ARID2: variants seen among roughly 807,000 people sequenced by gnomAD.
ARID2 encodes AT-rich interaction domain 2.
Under a neutral mutation model 184.6 loss-of-function variants are expected in ARID2, and 32 were observed. That is an observed-to-expected ratio of 0.17 (90% CI 0.13 to 0.23). The LOEUF is 0.23. ARID2 is among the 10% of genes least tolerant of loss of function. The pLI is 1.00. For missense variants in ARID2, 1,696 were observed against 2,197.6 expected (o/e 0.77, Z 4.56); for synonymous variants, 836 against 772.6 (o/e 1.08, Z -1.36).
intron 3 of ARID2, among the ~76,000 whole-genome samples, chr12:45,749,982 C>A (rs1220006594): frequency 6.6e-6 from 1 of 152,150 alleles, no homozygotes; most frequent in African/African-American, 2.4e-5. Context: ...TTGTGTGTTC[C>A]CTGGAGTAGC....
chr12:45,764,669 A>G (rs1941740323), intron 3 of ARID2, among the ~76,000 whole-genome samples: 1 of 152,228 alleles, frequency 6.6e-6, no homozygotes, highest in Non-Finnish European at 1.5e-5. Context: ...TCTGAGATTT[A>G]TACATAGTGC....
At chr12:45,768,448 G>A (rs1338085087) in intron 3 of ARID2, among the ~76,000 whole-genome samples, 2 of 152,144 alleles carry the variant, frequency 1.3e-5, no homozygotes, top group Non-Finnish European at 2.9e-5. Flanking sequence ...CCTCTAGCTG[G>A]GTTGTCATTC....
rs547284579 is a variant in ARID2, at chr12:45,853,953, G to GAGGTGAGCGGC, written c.4773+1067_4773+1077dup. On this transcript the variant is annotated intron_variant, in intron 15 of 20. Transcript: ENST00000334344. ...CTTTAGGAACTGGGCCACACAGCCG[G>GAGGTGAGCGGC]AGGTGAGCGGCAGGTGAGCGAGTGA... Among the ~76,000 whole-genome samples, 59 of 152,328 alleles carry GAGGTGAGCGGC rather than the reference G, an allele frequency of 3.9e-4. 3 individuals carry two copies. The highest frequency in any genetic ancestry group is 2.8e-3 in the Admixed American group (43 of 15,302).
intron 3 of ARID2, among the ~76,000 whole-genome samples, chr12:45,791,696 G>A (rs1942293994): frequency 6.6e-6 from 1 of 152,150 alleles, no homozygotes; most frequent in Admixed American, 6.5e-5. Context: ...CTGGGCTCAG[G>A]TGATCCTCCC....
At chr12:45,750,972 T>G (rs530771379) in intron 3 of ARID2, among the ~76,000 whole-genome samples, 123 of 152,324 alleles carry the variant, frequency 8.1e-4, no homozygotes, top group Non-Finnish European at 1.4e-3. Flanking sequence ...ATACTGCTCT[T>G]TATTCATTAA....
chr12:45,757,269 G>A (rs987959235), intron 3 of ARID2, among the ~76,000 whole-genome samples: 1 of 152,106 alleles, frequency 6.6e-6, no homozygotes, highest in East Asian at 1.9e-4. Context: ...GTTAAACATC[G>A]TTCTTTTCTG....
intron 3 of ARID2, among the ~76,000 whole-genome samples, chr12:45,787,638 T>G: frequency 6.6e-6 from 1 of 152,136 alleles, no homozygotes; most frequent in East Asian, 1.9e-4. Context: ...TATAATGCCT[T>G]TACTAATCTT....
chr12:45,860,842 C>G lies in ARID2; in HGVS notation c.4815C>G (p.Gly1605=). ...CTTCACCAGCTGTACAAGTGCAGGG[C>G]CAGCCTAACAGTTCTCAGCCTTCTC... The part of the protein sequence containing the change: ...MPPSPAVQVQ[G]QPNSSQPSPF... The change falls in exon 16 of 21, where the codon GGC becomes GGG. Residue 1605 remains glycine, a synonymous_variant. Coordinates refer to ENST00000334344, the MANE Select transcript of ARID2 (RefSeq NM_152641.4). 2 of 1,607,128 alleles carry G rather than the reference C, an allele frequency of 1.2e-6. No homozygotes were observed. Among genetic ancestry groups the G allele is most frequent in the Non-Finnish European group, 1.7e-6 (2 of 1,176,578 alleles).
intron 16 of ARID2, among the ~76,000 whole-genome samples, chr12:45,867,986 G>A (rs1943858829): frequency 6.6e-6 from 1 of 152,064 alleles, no homozygotes; most frequent in Non-Finnish European, 1.5e-5. Flanking sequence ...TTTGTATTCT[G>A]CCTCTTCATC....
chr12:45,772,591 A>T (rs1941898024), intron 3 of ARID2, among the ~76,000 whole-genome samples: 1 of 152,212 alleles, frequency 6.6e-6, no homozygotes, highest in African/African-American at 2.4e-5. Context: ...AGAAAGCTGG[A>T]GTGGCTATAT....
At chr12:45,877,186 G>A (rs1015143293) in intron 16 of ARID2, among the ~76,000 whole-genome samples, 3 of 151,910 alleles carry the variant, frequency 2.0e-5, no homozygotes, top group East Asian at 1.9e-4. Context: ...GTACTGGTCC[G>A]TGGCCTGTTA....
intron 16 of ARID2, among the ~76,000 whole-genome samples, chr12:45,876,723 G>A (rs1944015739): frequency 6.6e-6 from 1 of 151,144 alleles, no homozygotes; most frequent in African/African-American, 2.4e-5. Context: ...AAGACAGGAA[G>A]CAAGCACATG....
Position 45,829,162 on chromosome 12 carries a change from G to C in ARID2, c.706-7427G>C, listed in dbSNP as rs1486874238. On this transcript the variant is annotated intron_variant, in intron 6 of 20. Transcript: ENST00000334344. ...ACCTACAATATTTGTTTTAAAAACT[G>C]TGTTGCAGTATCACCATTGTCATAA... Among the ~76,000 whole-genome samples the C allele has an allele frequency of 3.3e-5, 5 of 151,958 alleles. No homozygotes were observed. The South Asian group carries it at 8.3e-4, about 25-fold the overall frequency.
rs922849184 is a variant in ARID2, at chr12:45,860,834, G to A, written c.4807G>A (p.Val1603Met). Residue 1603 changes from valine (V) to methionine (M), a missense_variant, in exon 16 of 21, where the codon GTG (valine) becomes ATG (methionine). Val to Met is a conservative substitution (Grantham distance 21). This residue lies in a region of ARID2 where 111 missense variants were observed against 154.0 expected (regional missense o/e 0.72). Coordinates refer to ENST00000334344, the MANE Select transcript of ARID2 (RefSeq NM_152641.4). ...TPMPPSPAVQ[V>M]QGQPNSSQPS... Reference sequence around the variant, plus strand: ...TATGCCACCTTCACCAGCTGTACAAGTGCAGGGCCAGCCTAACAGTTCTCA... The same window carrying A: ...TATGCCACCTTCACCAGCTGTACAAATGCAGGGCCAGCCTAACAGTTCTCA... 15 of 1,606,110 alleles carry A rather than the reference G, an allele frequency of 9.3e-6. No homozygotes were observed. The highest frequency in any genetic ancestry group is 2.3e-5 in the East Asian group (1 of 44,404).
chr12:45,737,367 T>C (rs770006454), intron 3 of ARID2, among the ~76,000 whole-genome samples: 1 of 152,042 alleles, frequency 6.6e-6, no homozygotes, highest in Non-Finnish European at 1.5e-5. Context: ...CGCCCTTTTT[T>C]TCCCCATTAT....
chr12:45,823,556 A>G (rs2041865845), intron 6 of ARID2, among the ~76,000 whole-genome samples: 1 of 152,088 alleles, frequency 6.6e-6, no homozygotes, highest in Non-Finnish European at 1.5e-5. Context: ...TAGCTAGAAT[A>G]GCTAAGAAAA....
chr12:45,818,808 T>G (rs1942850902), intron 5 of ARID2, among the ~76,000 whole-genome samples: 3 of 152,140 alleles, frequency 2.0e-5, no homozygotes, highest in Admixed American at 1.3e-4. Context: ...TTAGGTAGGA[T>G]TCTTTGAAAT....
At chr12:45,894,136 A>T (rs893896806) in intron 20 of ARID2, among the ~76,000 whole-genome samples, 1 of 152,220 alleles carries the variant, frequency 6.6e-6, no homozygotes, top group East Asian at 1.9e-4. Context: ...GTATGTGTAT[A>T]ATACTCTGAA....
At chr12:45,818,952 G>A (rs1466037189) in intron 5 of ARID2, among the ~76,000 whole-genome samples, 1 of 152,110 alleles carries the variant, frequency 6.6e-6, no homozygotes, top group Non-Finnish European at 1.5e-5. Context: ...CTCAGTTTCT[G>A]TCATAACTTT....
Sources: allele counts gnomAD v4.1 joint callset (sites outside exome capture counted in the v4.1 genomes callset), GRCh38; gene constraint gnomAD v4.1.1; regional missense constraint gnomAD v4.1.1; transcripts MANE v1.5; gene names NCBI Gene and HGNC (gene_info 2026-07-23, HGNC 2026-07-21).